The following FBXO34 variants were observed in gnomAD, a reference collection of about 807,000 sequenced individuals.
FBXO34 encodes F-box protein 34.
A neutral mutation model predicts 24.5 loss-of-function variants in FBXO34; 12 were observed. The ratio of observed to expected loss-of-function variants is 0.49; its 90% CI spans 0.31 to 0.79. FBXO34 has a LOEUF of 0.79. Ranked by LOEUF, FBXO34 falls within the 30% of genes least tolerant of loss-of-function variation. The pLI, the probability that FBXO34 is intolerant of heterozygous loss-of-function variation, is 0.04. For missense variants in FBXO34, 823 were observed against 857.7 expected, an observed-to-expected ratio of 0.96 and a Z score of 0.51; for synonymous variants, 320 against 311.9, an observed-to-expected ratio of 1.03 and a Z score of -0.27.
At chr14:55,370,491 C>T (rs1346793270), downstream of FBXO34, among the ~76,000 whole-genome samples, 1 of 152,198 alleles carries the variant, frequency 6.6e-6, no homozygotes, top group East Asian at 1.9e-4. Flanking sequence ...TATTTCTGCA[C>T]TGTATTTCAG....
chr14:55,377,888 TG>T, the FBXO34 span: 1 of 1,605,776 alleles, frequency 6.2e-7, no homozygotes, highest in African/African-American at 1.3e-5. Context: ...TGGTTGTAAT[TG>T]ATCTAAATTT....
chr14:55,281,255 T>TA (rs533626777), intron 1 of FBXO34, among the ~76,000 whole-genome samples: 1,815 of 98,396 alleles, frequency 0.018, 58 homozygotes, highest in African/African-American at 0.047. Flanking sequence ...CCCGACTCCT[T>TA]AAAAAAAAAA....
the FBXO34 span, among the ~76,000 whole-genome samples, chr14:55,424,895 G>A: frequency 1.3e-5 from 2 of 152,200 alleles, no homozygotes; most frequent in Admixed American, 6.5e-5. Flanking sequence ...GCCTGGAGAG[G>A]AGGGCAGATT....
In FBXO34 at chr14:55,299,050, C is replaced by T. The variant is rs918467357; in HGVS notation, c.-11+27513C>T. 19 of 1,591,578 alleles carry T rather than the reference C, an allele frequency of 1.2e-5. No homozygotes were observed. The Admixed American group carries it at 3.2e-4, about 27-fold the overall frequency. On this transcript the variant is annotated intron_variant, in intron 1 of 1. Transcript: ENST00000313833. ...GAACTTGGGGAGGAGATTTCAACAGCAATTTCGAAACCTGTAGGGTTTGGA... is the reference window on the plus strand; with the variant it reads ...GAACTTGGGGAGGAGATTTCAACAGTAATTTCGAAACCTGTAGGGTTTGGA...
At chr14:55,299,348 T>C in intron 1 of FBXO34, 1 of 370,916 alleles carries the variant, frequency 2.7e-6, no homozygotes, top group East Asian at 6.8e-5. Context: ...GCCGCATTGC[T>C]GCTCGCTCTC....
At chr14:55,363,189 A>ATTTTT (rs577527169), downstream of FBXO34, among the ~76,000 whole-genome samples, 11 of 137,498 alleles carry the variant, frequency 8.0e-5, no homozygotes, top group African/African-American at 2.5e-4. Flanking sequence ...CGCCTGGCTA[A>ATTTTT]TTTTTTTTTT....
intron 1 of FBXO34, among the ~76,000 whole-genome samples, chr14:55,332,997 T>C (rs916785183): frequency 6.6e-6 from 1 of 152,172 alleles, no homozygotes; most frequent in Non-Finnish European, 1.5e-5. Flanking sequence ...GAAAATACTT[T>C]GTCGATTTAA....
intron 3 of FBXO34, chr14:55,361,624 T>C (rs1884596678): frequency 6.6e-6 from 1 of 152,268 alleles, no homozygotes; most frequent in African/African-American, 2.4e-5. Flanking sequence ...AATAGGATGC[T>C]GTTTCATCTC....
At chr14:55,415,409 GTTAAAGAATTACTACATGACCCAACAA>G in the FBXO34 span, among the ~76,000 whole-genome samples, 1 of 152,150 alleles carries the variant, frequency 6.6e-6, no homozygotes, top group Non-Finnish European at 1.5e-5. Context: ...CGGTGGTTAA[GTTAAAGAATTACTACATGACCCAACAA>G]TTTCACGCCT....
intron 1 of FBXO34, among the ~76,000 whole-genome samples, chr14:55,341,663 T>A (rs1408411664): frequency 6.6e-6 from 1 of 152,214 alleles, no homozygotes; most frequent in Non-Finnish European, 1.5e-5. Flanking sequence ...TTTTTTGGAC[T>A]TTAACTTTTT....
At chr14:55,354,859 C>T (rs1032836485), downstream of FBXO34, among the ~76,000 whole-genome samples, 5 of 152,096 alleles carry the variant, frequency 3.3e-5, no homozygotes, top group Non-Finnish European at 5.9e-5. Context: ...AGTAGTGTGC[C>T]GCACTACCTG....
At chr14:55,390,374 T>A in the FBXO34 span, among the ~76,000 whole-genome samples, 2 of 149,890 alleles carry the variant, frequency 1.3e-5, no homozygotes, top group East Asian at 4.0e-4. Flanking sequence ...CCTGGCCAAC[T>A]TTTTTATTTT....
At chr14:55,350,027 T>C (rs1566566923) in intron 1 of FBXO34, among the ~76,000 whole-genome samples, 1 of 152,166 alleles carries the variant, frequency 6.6e-6, no homozygotes, top group Non-Finnish European at 1.5e-5. Flanking sequence ...CTTTCCTTTC[T>C]TCTGTACTAT....
intron 1 of FBXO34, among the ~76,000 whole-genome samples, chr14:55,330,559 G>A (rs1883499021): frequency 6.6e-6 from 1 of 152,072 alleles, no homozygotes; most frequent in Non-Finnish European, 1.5e-5. Context: ...GGAGGTGGGA[G>A]GATTGCTTGA....
chr14:55,283,701 C>T (rs145890059), intron 1 of FBXO34, among the ~76,000 whole-genome samples: 3,015 of 152,098 alleles, frequency 0.02, 77 homozygotes, highest in African/African-American at 0.069. Flanking sequence ...CCTCATGATC[C>T]GCCTGCTTTG....
chr14:55,342,606 G>A (rs1221275722), intron 1 of FBXO34, among the ~76,000 whole-genome samples: 1 of 152,094 alleles, frequency 6.6e-6, no homozygotes, highest in African/African-American at 2.4e-5. Context: ...TCAGTGCTTA[G>A]AGACATGGAG....
At chr14:55,321,402 C>T (rs959400213) in intron 1 of FBXO34, among the ~76,000 whole-genome samples, 1 of 151,592 alleles carries the variant, frequency 6.6e-6, no homozygotes. Flanking sequence ...AGACAACTTG[C>T]AATGTTTCTT....
At position 55,337,003 on chromosome 14, in the gene FBXO34, TCTCA is replaced by T. The variant is rs1466381666; in HGVS notation, c.-10-13374_-10-13371del. On this transcript the variant is annotated intron_variant, in intron 1 of 1. Transcript: ENST00000313833. ...TATTTTTTTTTTTTTTTTGAGACAG[TCTCA>T]CTCTGTCGCCCAGGCTAGAGTGCAA... Among the ~76,000 whole-genome samples, 5 of 149,108 alleles carry T rather than the reference TCTCA, an allele frequency of 3.4e-5. No homozygotes were observed. The Admixed American group carries it at 3.4e-4, about 10-fold the overall frequency.
the FBXO34 span, among the ~76,000 whole-genome samples, chr14:55,377,347 C>G: frequency 6.9e-6 from 1 of 144,334 alleles, no homozygotes; most frequent in East Asian, 2.0e-4. Context: ...AACCCCATCT[C>G]AAAAAAAAAA....
Sources: allele counts gnomAD v4.1 joint callset (sites outside exome capture counted in the v4.1 genomes callset), GRCh38; gene constraint gnomAD v4.1.1; transcripts MANE v1.5; gene names NCBI Gene and HGNC (gene_info 2026-07-23, HGNC 2026-07-21).